Variants in NRXN3 observed in about 807,000 individuals in gnomAD.
The protein encoded by NRXN3 is neurexin III.
Under a neutral mutation model 137.6 loss-of-function variants are expected in NRXN3, and 32 were observed. That is an observed-to-expected ratio of 0.23 (90% CI 0.18 to 0.31). NRXN3 has a LOEUF of 0.31. Among genes scored for constraint, NRXN3 ranks in the 10% least tolerant of loss-of-function variants. The probability of loss-of-function intolerance (pLI) is 1.00; values close to 1 mark genes in which losing one functional copy is unlikely to be tolerated. For missense variants in NRXN3, 1,574 were observed against 2,062.5 expected (o/e 0.76, Z 4.59); for synonymous variants, 798 against 784.5 (o/e 1.02, Z -0.29).
intron 4 of NRXN3, among the ~76,000 whole-genome samples, chr14:78,355,243 G>A (rs1463225670): frequency 2.0e-5 from 3 of 152,082 alleles, no homozygotes; most frequent in Admixed American, 2.0e-4. Flanking sequence ...AACCATATAA[G>A]GCTGCCTATC....
At chr14:79,563,401 G>A (rs2097520146) in intron 16 of NRXN3, among the ~76,000 whole-genome samples, 1 of 152,088 alleles carries the variant, frequency 6.6e-6, no homozygotes, top group African/African-American at 2.4e-5. Context: ...CGTTGTTGGT[G>A]TAAAGAGCAA....
chr14:78,908,136 A>G (rs1007176160), intron 10 of NRXN3, among the ~76,000 whole-genome samples: 1 of 152,072 alleles, frequency 6.6e-6, no homozygotes, highest in Non-Finnish European at 1.5e-5. Flanking sequence ...AAGAAATAAC[A>G]TCATACATGC....
chr14:78,808,528 C>CCAT (rs1346162560), intron 9 of NRXN3, among the ~76,000 whole-genome samples: 1 of 152,096 alleles, frequency 6.6e-6, no homozygotes, highest in African/African-American at 2.4e-5. Context: ...GTAGCTGAAG[C>CCAT]CATCACCTCT....
intron 19 of NRXN3, among the ~76,000 whole-genome samples, chr14:79,742,595 C>T (rs1349742126): frequency 6.6e-6 from 1 of 152,134 alleles, no homozygotes; most frequent in East Asian, 1.9e-4. Context: ...TAGCTAATTG[C>T]CTGCTACTTG....
chr14:78,499,783 AGC>A (rs377329751), intron 4 of NRXN3, among the ~76,000 whole-genome samples: 1 of 152,274 alleles, frequency 6.6e-6, no homozygotes, highest in East Asian at 1.9e-4. Context: ...GTCAGTTCCT[AGC>A]TGGCTGTTCA....
At position 78,243,817 on chromosome 14, in the gene NRXN3, C is replaced by T; in HGVS notation, c.709+15C>T. 6.5e-7 allele frequency: 1 copy of T among 1,539,756 alleles called. No homozygotes were observed. Among genetic ancestry groups the T allele is most frequent in the Non-Finnish European group, 8.7e-7 (1 of 1,149,016 alleles). On this transcript the variant is annotated intron_variant, in intron 2 of 20. Coordinates refer to ENST00000335750, the MANE Select transcript of NRXN3 (RefSeq NM_001330195.2). The surrounding 1 kb of genome is among the most constrained non-coding windows in gnomAD (Gnocchi z 4.2). ...CTGCTCAGAAGGTAAGACCCTCTCC[C>T]TCTCTTGCTAGAGACCCACCCACGG...
intron 15 of NRXN3, among the ~76,000 whole-genome samples, chr14:79,413,284 G>C (rs1417369197): frequency 6.6e-6 from 1 of 152,114 alleles, no homozygotes; most frequent in Admixed American, 6.6e-5. Flanking sequence ...ATTGTTGTTG[G>C]ATGATAATGC....
chr14:79,067,658 G>A (rs1431822454), intron 15 of NRXN3, among the ~76,000 whole-genome samples: 1 of 151,942 alleles, frequency 6.6e-6, no homozygotes, highest in Admixed American at 6.6e-5. Flanking sequence ...TCTATTCAGG[G>A]ATTCAGTATT....
chr14:79,746,385 T>A (rs548971232), intron 19 of NRXN3, among the ~76,000 whole-genome samples: 1 of 152,252 alleles, frequency 6.6e-6, no homozygotes, highest in South Asian at 2.1e-4. Flanking sequence ...TGAGCACTTT[T>A]TGACCATGTT....
intron 4 of NRXN3, among the ~76,000 whole-genome samples, chr14:78,638,142 C>A (rs74764513): frequency 6.6e-6 from 1 of 152,168 alleles, no homozygotes; most frequent in Non-Finnish European, 1.5e-5. Flanking sequence ...TTTCAAGAAG[C>A]ATCTGCAGGC....
intron 8 of NRXN3, among the ~76,000 whole-genome samples, chr14:78,789,396 G>T (rs1365275169): frequency 1.3e-5 from 2 of 152,138 alleles, no homozygotes; most frequent in Non-Finnish European, 2.9e-5. Flanking sequence ...GCTTTCGGTT[G>T]TCACGACCAA....
chr14:78,782,719 A>G (rs2098774376), intron 8 of NRXN3, among the ~76,000 whole-genome samples: 1 of 152,210 alleles, frequency 6.6e-6, no homozygotes, highest in African/African-American at 2.4e-5. Context: ...ATGAGCTAAT[A>G]TTATCCTTAT....
intron 15 of NRXN3, among the ~76,000 whole-genome samples, chr14:79,274,041 T>G (rs537987885): frequency 2.0e-5 from 3 of 148,176 alleles, no homozygotes; most frequent in East Asian, 2.0e-4. Context: ...AGGTGGAGGT[T>G]GCATTGAGCC....
At chr14:78,726,361 C>G (rs887363452) in intron 8 of NRXN3, among the ~76,000 whole-genome samples, 1 of 152,030 alleles carries the variant, frequency 6.6e-6, no homozygotes, top group Non-Finnish European at 1.5e-5. Context: ...CCCTAACAGG[C>G]CCAGTGTGTG....
At chr14:79,162,600 G>T (rs2060897289) in intron 15 of NRXN3, among the ~76,000 whole-genome samples, 1 of 151,808 alleles carries the variant, frequency 6.6e-6, no homozygotes, top group Admixed American at 6.6e-5. Context: ...ATGAAAAAAT[G>T]CTCACCATCA....
At chr14:79,710,511 A>G (rs1040746792) in intron 19 of NRXN3, among the ~76,000 whole-genome samples, 11 of 152,182 alleles carry the variant, frequency 7.2e-5, no homozygotes, top group Admixed American at 2.0e-4. Context: ...TGGGACCACA[A>G]TAAGAGTGCT....
chr14:79,134,393 G>A (rs924703414), intron 15 of NRXN3, among the ~76,000 whole-genome samples: 1 of 152,162 alleles, frequency 6.6e-6, no homozygotes, highest in Admixed American at 6.5e-5. Context: ...AAAATGGTAA[G>A]AGACTATCTT....
chr14:78,450,596 T>C (rs1244045091), intron 4 of NRXN3, among the ~76,000 whole-genome samples: 1 of 152,080 alleles, frequency 6.6e-6, no homozygotes, highest in Admixed American at 6.5e-5. Flanking sequence ...ACCAGCCTGG[T>C]AGGTTGGGGC....
At chr14:79,310,067 T>G (rs1296420525) in intron 15 of NRXN3, among the ~76,000 whole-genome samples, 1 of 128,530 alleles carries the variant, frequency 7.8e-6, no homozygotes, top group Non-Finnish European at 1.6e-5. Context: ...TGGTTTTAGG[T>G]CTAACGTTTA....
Sources: gnomAD v4.1 joint callset for allele counts (sites outside exome capture counted in the v4.1 genomes callset) on GRCh38, gnomAD v4.1.1 for gene constraint, Gnocchi (gnomAD v3.1) non-coding constraint, MANE v1.5 for transcripts, NCBI Gene and HGNC (gene_info 2026-07-23, HGNC 2026-07-21) for gene names.